The following UPRT variants were observed in gnomAD, a reference collection of about 807,000 sequenced individuals.
UPRT encodes the protein uracil phosphoribosyltransferase homolog.
A neutral mutation model predicts 22.6 loss-of-function variants in UPRT; 5 were observed. The ratio of observed to expected loss-of-function variants is 0.22; its 90% confidence interval spans 0.12 to 0.47. The LOEUF (loss-of-function observed/expected upper bound fraction) is 0.47. UPRT is among the 20% of genes least tolerant of loss of function. UPRT has a pLI of 0.99. For synonymous variants in UPRT, 77 were observed against 87.7 expected, an observed-to-expected ratio of 0.88 and a Z score of 0.68; for missense variants, 181 against 239.9, an observed-to-expected ratio of 0.75 and a Z score of 1.62.
chrX:75,184,785 C>A (rs1393244129), intron 4 of UPRT, among the ~76,000 whole-genome samples: 1 of 111,024 alleles, frequency 9.0e-6, no homozygotes, highest in African/African-American at 3.3e-5. Context: ...CTCTTTGAAG[C>A]AATTGTGAAT....
intron 4 of UPRT, among the ~76,000 whole-genome samples, chrX:75,255,696 C>T (rs772540243): frequency 2.5e-4 from 28 of 111,576 alleles, no homozygotes; most frequent in Non-Finnish European, 4.9e-4. Flanking sequence ...ACACCAAAAG[C>T]GAGCTGAAGT....
chrX:75,262,950 C>A (rs1021824932), intron 4 of UPRT, among the ~76,000 whole-genome samples: 33 of 111,261 alleles, frequency 3.0e-4, no homozygotes, highest in African/African-American at 1.0e-3. Flanking sequence ...CTGGACCAAG[C>A]AGACCTAATA....
At chrX:75,283,431 T>C (rs1207405631) in intron 1 of UPRT, among the ~76,000 whole-genome samples, 1 of 111,637 alleles carries the variant, frequency 9.0e-6, no homozygotes, top group Admixed American at 9.5e-5. Flanking sequence ...TTTTGATGTG[T>C]TTCCAGGATT....
At chrX:75,270,352 C>T (rs371265988), upstream of UPRT, among the ~76,000 whole-genome samples, 1 of 111,575 alleles carries the variant, frequency 9.0e-6, no homozygotes. Context: ...TGTGGGGATT[C>T]CTTAAGGATC....
chrX:75,242,573 T>C (rs2082491608), intron 4 of UPRT, among the ~76,000 whole-genome samples: 1 of 109,592 alleles, frequency 9.1e-6, no homozygotes, highest in African/African-American at 3.3e-5. Context: ...TTAGTTTCCA[T>C]TGTCTGCTCC....
chrX:75,174,283 A>T (rs2082239752), intron 4 of UPRT, among the ~76,000 whole-genome samples: 1 of 111,924 alleles, frequency 8.9e-6, no homozygotes, highest in Non-Finnish European at 1.9e-5. Flanking sequence ...CCTTCAGAGG[A>T]GAACTCTCTA....
chrX:75,234,471 A>C (rs2082452217), intron 4 of UPRT, among the ~76,000 whole-genome samples: 1 of 111,663 alleles, frequency 9.0e-6, no homozygotes, highest in African/African-American at 3.3e-5. Context: ...ACCCCAAATC[A>C]ACAGAATATA....
intron 4 of UPRT, among the ~76,000 whole-genome samples, chrX:75,241,333 A>T (rs1343967219): frequency 1.8e-5 from 2 of 112,040 alleles, no homozygotes; most frequent in Non-Finnish European, 3.8e-5. Context: ...AATGCTCAAC[A>T]TCACTAATGA....
At chrX:75,248,396 G>T (rs1259608412) in intron 4 of UPRT, among the ~76,000 whole-genome samples, 1 of 112,103 alleles carries the variant, frequency 8.9e-6, no homozygotes, top group African/African-American at 3.2e-5. Context: ...CATGGCATGA[G>T]AAATACGTGA....
chrX:75,231,829 A>T (rs2082439337), intron 4 of UPRT, among the ~76,000 whole-genome samples: 1 of 112,236 alleles, frequency 8.9e-6, no homozygotes, highest in Non-Finnish European at 1.9e-5. Flanking sequence ...GTAATTTTGT[A>T]TCCAGTGAAA....
At chrX:75,213,853 G>A (rs988748186) in intron 4 of UPRT, among the ~76,000 whole-genome samples, 2 of 111,491 alleles carry the variant, frequency 1.8e-5, no homozygotes, top group Non-Finnish European at 3.8e-5. Flanking sequence ...ACTGTAAAAG[G>A]GAATAGATAC....
intron 6 of UPRT, 109 bp from the exon 7 acceptor site, chrX:75,303,296 C>T (rs997933482): frequency 8.8e-5 from 47 of 531,280 alleles, no homozygotes; most frequent in Non-Finnish European, 1.1e-4. Flanking sequence ...AAGATCATTG[C>T]TCTCTGTCTT....
At chrX:75,222,988 C>T (rs757784938) in intron 4 of UPRT, among the ~76,000 whole-genome samples, 2 of 110,538 alleles carry the variant, frequency 1.8e-5, no homozygotes, top group African/African-American at 6.6e-5. Flanking sequence ...CAAAGGCCCA[C>T]GGCAAGTAGT....
chrX:75,164,670 T>C (rs2082208394), intron 3 of UPRT, among the ~76,000 whole-genome samples: 1 of 112,004 alleles, frequency 8.9e-6, no homozygotes, highest in African/African-American at 3.2e-5. Context: ...AATAAAAATA[T>C]GTTCTAAAGT....
intron 4 of UPRT, among the ~76,000 whole-genome samples, chrX:75,168,849 T>C (rs748567946): frequency 3.6e-5 from 4 of 111,553 alleles, no homozygotes; most frequent in Non-Finnish European, 7.5e-5. Context: ...TCTTTAGTGG[T>C]GATTTGTAAT....
At chrX:75,165,327 T>C (rs1056422616) in intron 3 of UPRT, among the ~76,000 whole-genome samples, 1 of 112,063 alleles carries the variant, frequency 8.9e-6, no homozygotes, top group Non-Finnish European at 1.9e-5. Context: ...CCCTTATAAA[T>C]TGAAATATCT....
chrX:75,287,680 G>A (rs1322269524), intron 1 of UPRT, among the ~76,000 whole-genome samples: 1 of 111,242 alleles, frequency 9.0e-6, no homozygotes, highest in Non-Finnish European at 1.9e-5. Context: ...TGCAGCAAAA[G>A]CAGCATTAAG....
intron 4 of UPRT, among the ~76,000 whole-genome samples, chrX:75,223,114 G>A (rs2082414827): frequency 9.1e-6 from 1 of 109,987 alleles, no homozygotes; most frequent in African/African-American, 3.3e-5. Flanking sequence ...TTGGCCAAAG[G>A]TGTGTCTCAA....
chrX:75,264,062 A>T (rs1257030661), intron 4 of UPRT, among the ~76,000 whole-genome samples: 1 of 111,782 alleles, frequency 8.9e-6, no homozygotes, highest in Non-Finnish European at 1.9e-5. Flanking sequence ...TTCTAGTTTG[A>T]TTGCACTGTG....
Sources: allele counts gnomAD v4.1 joint callset (sites outside exome capture counted in the v4.1 genomes callset), GRCh38; gene constraint gnomAD v4.1.1; transcripts MANE v1.5; gene names NCBI Gene and HGNC (gene_info 2026-07-23, HGNC 2026-07-21).